Variants in WNK1 observed in about 807,000 individuals in gnomAD.
The protein encoded by WNK1 is WNK lysine deficient protein kinase 1.
A neutral mutation model predicts 222.8 loss-of-function variants in WNK1; 38 were observed. The ratio of observed to expected loss-of-function variants is 0.17; its 90% CI spans 0.13 to 0.22. WNK1 has a LOEUF of 0.22. WNK1 is among the 10% of genes least tolerant of loss of function. The pLI is 1.00. For synonymous variants in WNK1, 1,090 were observed against 1,092.9 expected, an observed-to-expected ratio of 1.00 and a Z score of 0.05; for missense variants, 2,348 against 2,918.4, an observed-to-expected ratio of 0.80 and a Z score of 4.50.
intron 1 of WNK1, among the ~76,000 whole-genome samples, chr12:795,340 C>T (rs1240951179): frequency 7.0e-6 from 1 of 143,514 alleles, no homozygotes; most frequent in Non-Finnish European, 1.5e-5. Flanking sequence ...TATGGTTTGG[C>T]TCTGTATCCC....
At chr12:858,760 A>G (rs936022793) in intron 5 of WNK1, among the ~76,000 whole-genome samples, 1 of 152,172 alleles carries the variant, frequency 6.6e-6, no homozygotes, top group Non-Finnish European at 1.5e-5. Context: ...CCATTTCCTA[A>G]TAATCAGGAG....
chr12:887,270 A>AC lies in WNK1; in HGVS notation c.5330_5331insC (p.Gln1777HisfsTer21), dbSNP rs1953756382. 6.2e-7 allele frequency: 1 copy of AC among 1,614,064 alleles called. No homozygotes were observed. Among genetic ancestry groups the AC allele is most frequent in the Non-Finnish European group, 8.5e-7 (1 of 1,180,024 alleles). ...CCAGCAGGTACTCTACCCAGCGAGC[A>AC]GCTGCCACCTTTTCCAGGACCTTCT... On this transcript the variant is annotated frameshift_variant, in exon 20 of 28. Transcript: ENST00000315939. LOFTEE classifies it high-confidence loss of function.
intron 1 of WNK1, among the ~76,000 whole-genome samples, chr12:804,473 A>G (rs578241674): frequency 2.0e-5 from 3 of 151,516 alleles, no homozygotes; most frequent in Admixed American, 1.3e-4. Flanking sequence ...CCCAGGTTCA[A>G]GCGATTCTCC....
chr12:905,825 G>C (rs1328587322), intron 26 of WNK1, among the ~76,000 whole-genome samples: 1 of 152,142 alleles, frequency 6.6e-6, no homozygotes, highest in Non-Finnish European at 1.5e-5. Flanking sequence ...CCTTCACACT[G>C]TATGTGCAAT....
intron 1 of WNK1, among the ~76,000 whole-genome samples, chr12:809,322 TGTG>T (rs879871845): frequency 6.7e-6 from 1 of 149,616 alleles, no homozygotes; most frequent in African/African-American, 2.5e-5. Flanking sequence ...AAGCAGGGGA[TGTG>T]ATGCCATGTT....
At chr12:815,501 A>G (rs1478609605) in intron 2 of WNK1, among the ~76,000 whole-genome samples, 1 of 152,156 alleles carries the variant, frequency 6.6e-6, no homozygotes, top group Non-Finnish European at 1.5e-5. Context: ...ACTCTTGTTT[A>G]TGGCAATACC....
chr12:797,149 G>A (rs1945390319), intron 1 of WNK1, among the ~76,000 whole-genome samples: 1 of 152,018 alleles, frequency 6.6e-6, no homozygotes, highest in Non-Finnish European at 1.5e-5. Context: ...ATAAATAAAT[G>A]TTTCTTTAAA....
At chr12:894,954 C>G (rs1202511577) in intron 23 of WNK1, among the ~76,000 whole-genome samples, 1 of 152,164 alleles carries the variant, frequency 6.6e-6, no homozygotes, top group Non-Finnish European at 1.5e-5. Context: ...ACCATTTCTC[C>G]TGTTCCAAAT....
intron 1 of WNK1, among the ~76,000 whole-genome samples, chr12:776,966 A>G (rs1399055730): frequency 6.6e-6 from 1 of 152,150 alleles, no homozygotes; most frequent in African/African-American, 2.4e-5. Flanking sequence ...TTCATTCAGA[A>G]GTGTTGAAGA....
chr12:754,664 T>G lies in WNK1; in HGVS notation c.759+340T>G, dbSNP rs72647382. ...ACAGATGCTTCTTCTTCTGTGCATTTCAATCTCATCAAAGGCTCTGCAGTG... is the reference window on the plus strand; with the variant it reads ...ACAGATGCTTCTTCTTCTGTGCATTGCAATCTCATCAAAGGCTCTGCAGTG... On this transcript the variant is annotated intron_variant, in intron 1 of 27. Transcript: ENST00000315939. 3.2e-3 allele frequency among the ~76,000 whole-genome samples: 492 copies of G among 152,278 alleles called. 3 individuals carry two copies. The highest frequency in any genetic ancestry group is 0.011 in the African/African-American group (466 of 41,546).
At chr12:802,580 G>A (rs1050796813) in intron 1 of WNK1, among the ~76,000 whole-genome samples, 6 of 151,898 alleles carry the variant, frequency 4.0e-5, no homozygotes, top group Admixed American at 2.0e-4. Context: ...ATCTGATTTC[G>A]TTTGAATCTT....
At chr12:879,431 T>G in intron 10 of WNK1, 142 bp from the exon 11 acceptor site, 1 of 685,682 alleles carries the variant, frequency 1.5e-6, no homozygotes, top group Non-Finnish European at 2.4e-6. Context: ...GTATGCAGGG[T>G]TTTGTTGGTT....
intron 1 of WNK1, among the ~76,000 whole-genome samples, chr12:804,325 A>C (rs1196240787): frequency 6.6e-6 from 1 of 152,232 alleles, no homozygotes; most frequent in Non-Finnish European, 1.5e-5. Context: ...GTAACTTAGA[A>C]GTATACAGTT....
intron 1 of WNK1, among the ~76,000 whole-genome samples, chr12:757,475 C>T (rs1940293534): frequency 6.6e-6 from 1 of 151,576 alleles, no homozygotes; most frequent in South Asian, 2.1e-4. Context: ...ACAGGCGCAC[C>T]CCACCACACC....
chr12:883,653 T>G, intron 16 of WNK1, 85 bp downstream of exon 16: 1 of 1,600,848 alleles, frequency 6.2e-7, no homozygotes, highest in Non-Finnish European at 8.6e-7. Context: ...TGTCCAGTGA[T>G]ATCACCTGAC....
intron 22 of WNK1, among the ~76,000 whole-genome samples, chr12:893,947 G>A (rs1198318194): frequency 6.6e-6 from 1 of 151,964 alleles, no homozygotes; most frequent in African/African-American, 2.4e-5. Context: ...GCTGGACATG[G>A]TGATTCACAC....
At chr12:795,584 T>A (rs779004492) in intron 1 of WNK1, among the ~76,000 whole-genome samples, 2 of 152,200 alleles carry the variant, frequency 1.3e-5, no homozygotes, top group African/African-American at 2.4e-5. Context: ...TCTGCCACGA[T>A]TCTGAGGCCT....
chr12:900,455 T>G lies in WNK1; in HGVS notation c.6449-21T>G, dbSNP rs373142680. The G allele has an allele frequency of 3.1e-6, 5 of 1,613,994 alleles. No individual in the cohort carries two copies. In the African/African-American group the frequency reaches 6.7e-5, roughly 22 times the overall value. On this transcript the variant is annotated intron_variant, in intron 25 of 27. Coordinates refer to ENST00000315939, the MANE Select transcript of WNK1 (RefSeq NM_018979.4). ...GGGAAGAGCTGGACATGTTTCCTCA[T>G]GCCACTTTATCTTTTGGCAGGTAAC...
rs1203914839 is a variant in WNK1 at position 754,376 on chromosome 12, C to A, written c.759+52C>A. ...GGTCCTTTGGATCCCAAATTTGGCT[C>A]GGCGAAGCCAGTTGATCGAGTTCAC... On this transcript the variant is annotated intron_variant, in intron 1 of 27. Coordinates refer to ENST00000315939, the MANE Select transcript of WNK1 (RefSeq NM_018979.4). 2.5e-6 allele frequency: 4 copies of A among 1,610,452 alleles called. No individual in the cohort carries two copies. In the East Asian group the frequency reaches 6.7e-5, roughly 27 times the overall value.
Sources: gnomAD v4.1 joint callset for allele counts (sites outside exome capture counted in the v4.1 genomes callset) on GRCh38, gnomAD v4.1.1 for gene constraint, MANE v1.5 for transcripts, NCBI Gene and HGNC (gene_info 2026-07-23, HGNC 2026-07-21) for gene names.